The following ITFG1 variants were observed in gnomAD, a reference collection of about 807,000 sequenced individuals.
ITFG1 encodes integrin alpha FG-GAP repeat containing 1, also known as T-cell immunomodulatory protein.
ITFG1 carries 34 observed loss-of-function variants against 81.8 expected under a neutral mutation model. The observed-to-expected ratio is 0.42, with a 90% CI of 0.32 to 0.55. The LOEUF (loss-of-function observed/expected upper bound fraction) is 0.55. Among genes scored for constraint, ITFG1 ranks in the 20% least tolerant of loss-of-function variants. The probability of loss-of-function intolerance (pLI) is 0.17; values close to 1 mark genes in which losing one functional copy is unlikely to be tolerated. For missense variants in ITFG1, 672 were observed against 755.4 expected (o/e 0.89, Z 1.29); for synonymous variants, 285 against 270.6 (o/e 1.05, Z -0.52).
intron 5 of ITFG1, among the ~76,000 whole-genome samples, chr16:47,442,482 G>A (rs1012264976): frequency 8.5e-5 from 13 of 152,098 alleles, no homozygotes; most frequent in South Asian, 2.1e-4. Flanking sequence ...GAGGCATCAC[G>A]CTACCTGACT....
At chr16:47,364,258 A>G (rs946195508) in intron 8 of ITFG1, among the ~76,000 whole-genome samples, 1 of 152,182 alleles carries the variant, frequency 6.6e-6, no homozygotes, top group Non-Finnish European at 1.5e-5. Flanking sequence ...GGAGCAATAG[A>G]TATGTTTCTT....
At chr16:47,427,217 T>C (rs1461997236) in intron 6 of ITFG1, among the ~76,000 whole-genome samples, 1 of 152,204 alleles carries the variant, frequency 6.6e-6, no homozygotes, top group Admixed American at 6.5e-5. Context: ...TAATGGATGA[T>C]CTATGCTGAG....
At chr16:47,359,137 GCA>G (rs1968077733) in intron 8 of ITFG1, among the ~76,000 whole-genome samples, 2 of 152,152 alleles carry the variant, frequency 1.3e-5, no homozygotes, top group Admixed American at 6.5e-5. Flanking sequence ...TGTGACTGGA[GCA>G]CAGGTGCATT....
At chr16:47,181,348 A>T (rs996669783) in intron 14 of ITFG1, among the ~76,000 whole-genome samples, 12 of 145,790 alleles carry the variant, frequency 8.2e-5, no homozygotes, top group Non-Finnish European at 1.5e-4. Flanking sequence ...TCCGGGAGGG[A>T]GGTGGGGGGG....
At chr16:47,433,706 G>C (rs1010594061) in intron 5 of ITFG1, among the ~76,000 whole-genome samples, 1 of 149,878 alleles carries the variant, frequency 6.7e-6, no homozygotes, top group East Asian at 2.0e-4. Flanking sequence ...TTTACCAAAG[G>C]TGTACAGAAA....
chr16:47,426,455 G>C (rs1969022163), intron 6 of ITFG1: 1 of 150,132 alleles, frequency 6.7e-6, no homozygotes, highest in Non-Finnish European at 1.5e-5. Context: ...TGAAAAGCAA[G>C]TTTCTAAGAC....
chr16:47,277,215 T>C (rs1966406879), intron 10 of ITFG1, among the ~76,000 whole-genome samples: 1 of 152,218 alleles, frequency 6.6e-6, no homozygotes, highest in South Asian at 2.1e-4. Context: ...CATTATATTA[T>C]CTTAAAATCA....
chr16:47,302,123 A>G (rs750905205), intron 10 of ITFG1, among the ~76,000 whole-genome samples: 2 of 152,232 alleles, frequency 1.3e-5, no homozygotes, highest in African/African-American at 2.4e-5. Flanking sequence ...ACAAGAAAAA[A>G]TAAGTACCTG....
intron 10 of ITFG1, among the ~76,000 whole-genome samples, chr16:47,308,035 T>G (rs1596879849): frequency 6.6e-6 from 1 of 152,206 alleles, no homozygotes; most frequent in Non-Finnish European, 1.5e-5. Flanking sequence ...TTTTAAAAAA[T>G]CCAATCCACT....
At chr16:47,330,536 G>A (rs958952643) in intron 8 of ITFG1, among the ~76,000 whole-genome samples, 1 of 151,982 alleles carries the variant, frequency 6.6e-6, no homozygotes, top group African/African-American at 2.4e-5. Flanking sequence ...AGAGTAAAAA[G>A]ACAACCTATA....
At chr16:47,379,608 C>T (rs991528573) in intron 6 of ITFG1, among the ~76,000 whole-genome samples, 1 of 151,304 alleles carries the variant, frequency 6.6e-6, no homozygotes, top group Non-Finnish European at 1.5e-5. Flanking sequence ...TTGCTTGAAC[C>T]TGGGAGGTGG....
intron 10 of ITFG1, among the ~76,000 whole-genome samples, chr16:47,269,320 A>G (rs2151545400): frequency 6.6e-6 from 1 of 152,208 alleles, no homozygotes; most frequent in African/African-American, 2.4e-5. Flanking sequence ...GCAGATATAA[A>G]TACAATAGTC....
At chr16:47,312,504 G>T (rs562060326) in intron 9 of ITFG1, 11 of 146,980 alleles carry the variant, frequency 7.5e-5, no homozygotes, top group African/African-American at 2.4e-4. Context: ...TACAGAAAAT[G>T]AGTTTTTTTA....
At chr16:47,305,418 G>A (rs1055044160) in intron 10 of ITFG1, among the ~76,000 whole-genome samples, 8 of 152,096 alleles carry the variant, frequency 5.3e-5, no homozygotes, top group Non-Finnish European at 1.0e-4. Context: ...GTTAAAAAAT[G>A]TGAGGGTATG....
chr16:47,332,208 A>G (rs765481630), intron 8 of ITFG1, among the ~76,000 whole-genome samples: 23 of 151,778 alleles, frequency 1.5e-4, no homozygotes, highest in Non-Finnish European at 2.8e-4. Context: ...ATAAAATAAA[A>G]TAAAATAAAA....
intron 14 of ITFG1, among the ~76,000 whole-genome samples, chr16:47,191,318 C>T (rs1965289936): frequency 6.6e-6 from 1 of 152,128 alleles, no homozygotes; most frequent in Admixed American, 6.5e-5. Flanking sequence ...CCACTGCCCG[C>T]AGGCCACATG....
intron 6 of ITFG1, among the ~76,000 whole-genome samples, chr16:47,390,705 C>A (rs1398681148): frequency 6.6e-6 from 1 of 152,080 alleles, no homozygotes; most frequent in Non-Finnish European, 1.5e-5. Context: ...GGTGATCCGC[C>A]CACCTCGGCC....
intron 6 of ITFG1, among the ~76,000 whole-genome samples, chr16:47,406,720 G>T (rs1446444679): frequency 3.3e-5 from 5 of 152,104 alleles, no homozygotes; most frequent in Non-Finnish European, 1.5e-5. Flanking sequence ...CAGGTGAAAG[G>T]GCTTTGAAGA....
At chr16:47,441,518 G>C (rs1306086564) in intron 5 of ITFG1, among the ~76,000 whole-genome samples, 1 of 152,146 alleles carries the variant, frequency 6.6e-6, no homozygotes, top group Admixed American at 6.5e-5. Flanking sequence ...TGCAAGGCTG[G>C]TTCAACATAC....
Sources: allele counts gnomAD v4.1 joint callset (sites outside exome capture counted in the v4.1 genomes callset), GRCh38; gene constraint gnomAD v4.1.1; transcripts MANE v1.5; gene names NCBI Gene and HGNC (gene_info 2026-07-23, HGNC 2026-07-21).